Variants in NRXN1 observed in about 807,000 individuals in gnomAD.
The protein encoded by NRXN1 is neurexin 1.
A neutral mutation model predicts 150.9 loss-of-function variants in NRXN1; 39 were observed. The ratio of observed to expected loss-of-function variants is 0.26; its 90% CI spans 0.20 to 0.34. The LOEUF is 0.34. Ranked by LOEUF, NRXN1 falls within the 10% of genes least tolerant of loss-of-function variation. The pLI is 1.00. For synonymous variants in NRXN1, 924 were observed against 757.0 expected (o/e 1.22, Z -3.62); for missense variants, 1,815 against 1,949.9 (o/e 0.93, Z 1.30).
rs777080356 is a variant in NRXN1 at position 51,027,738 on chromosome 2, G to A, written c.536C>T (p.Pro179Leu). The part of the protein sequence containing the change: ...LTLASVRERE[P>L]FKGWIRDVRV... ...CACGTCACGAATCCACCCCTTGAAG[G>A]GCTCCCGCTCCCTCACCGAGGCCAG... The change falls in exon 2 of 23, where the codon CCC becomes CTC. Residue 179 changes from proline to leucine, a missense_variant. This residue lies in a region of NRXN1 where 554 missense variants were observed against 478.8 expected (regional missense o/e 1.16). Coordinates refer to ENST00000401669, the MANE Select transcript of NRXN1 (RefSeq NM_001330078.2). 18 of 1,611,456 alleles carry A rather than the reference G, an allele frequency of 1.1e-5. 1 individual carries two copies. The highest frequency in any genetic ancestry group is 1.7e-4 in the Middle Eastern group (1 of 6,052).
intron 5 of NRXN1, among the ~76,000 whole-genome samples, chr2:50,625,636 C>A (rs1446695959): frequency 6.6e-6 from 1 of 152,048 alleles, no homozygotes; most frequent in Admixed American, 6.6e-5. Context: ...GGCACAAGTA[C>A]AACTATATAT....
At position 50,551,586 on chromosome 2, in the gene NRXN1, G is replaced by C. The variant is rs117336813; in HGVS notation, c.1759+1001C>G. Among the ~76,000 whole-genome samples the C allele has an allele frequency of 2.5e-3, 380 of 152,194 alleles. 18 individuals carry two copies. The East Asian group carries it at 0.051, about 20-fold the overall frequency. On this transcript the variant is annotated intron_variant, in intron 9 of 22. Transcript: ENST00000401669. ...AGAAGCACTCAGCTTAGTTGGTTGG[G>C]GGTGGGTGAAGTAAAGAAGGAGAGT... is the stretch of plus-strand genomic sequence containing the variant.
intron 8 of NRXN1, chr2:50,615,235 C>CTT (rs1209677493): frequency 6.6e-6 from 1 of 152,080 alleles, no homozygotes; most frequent in African/African-American, 2.4e-5. Context: ...CTTCCTTAGG[C>CTT]TTAATCTGAG....
At chr2:50,691,287 T>C (rs1027472565) in intron 5 of NRXN1, among the ~76,000 whole-genome samples, 1 of 152,178 alleles carries the variant, frequency 6.6e-6, no homozygotes, top group African/African-American at 2.4e-5. Context: ...AGAACTGGGC[T>C]TGCATACTGT....
At chr2:50,654,630 G>C (rs1686142625) in intron 5 of NRXN1, among the ~76,000 whole-genome samples, 1 of 152,056 alleles carries the variant, frequency 6.6e-6, no homozygotes, top group African/African-American at 2.4e-5. Context: ...GGTTGAACTA[G>C]TTAACAGTCC....
intron 21 of NRXN1, among the ~76,000 whole-genome samples, chr2:50,052,042 C>A (rs893257735): frequency 6.6e-6 from 1 of 151,986 alleles, no homozygotes; most frequent in African/African-American, 2.4e-5. Flanking sequence ...CTATTCTGTT[C>A]CTCTCACCCT....
chr2:50,671,510 C>T (rs1008622000), intron 5 of NRXN1, among the ~76,000 whole-genome samples: 12 of 151,548 alleles, frequency 7.9e-5, no homozygotes, highest in African/African-American at 2.7e-4. Flanking sequence ...ATACATTACA[C>T]CAAATTTATT....
At position 49,962,303 on chromosome 2, in the gene NRXN1, C is replaced by T. The variant is rs547662173; in HGVS notation, c.4129-18512G>A. ...TTGAATGAATACTAATCTAATGCTT[C>T]AATTGACTGTTAAATGTTCTCTTAA... is the stretch of plus-strand genomic sequence containing the variant. On this transcript the variant is annotated intron_variant, in intron 21 of 22. Coordinates refer to ENST00000401669, the MANE Select transcript of NRXN1 (RefSeq NM_001330078.2). Among the ~76,000 whole-genome samples the T allele has an allele frequency of 4.6e-5, 7 of 152,274 alleles. No homozygotes were observed. The East Asian group carries it at 1.2e-3, about 25-fold the overall frequency.
chr2:50,695,841 A>ATTTTTTTT (rs5831150), intron 5 of NRXN1, among the ~76,000 whole-genome samples: 1 of 127,318 alleles, frequency 7.9e-6, no homozygotes, highest in African/African-American at 3.0e-5. Flanking sequence ...AGTGACTCTG[A>ATTTTTTTT]TTTTTTTTTT....
chr2:50,474,108 G>C (rs1259021204), intron 15 of NRXN1, among the ~76,000 whole-genome samples: 1 of 151,864 alleles, frequency 6.6e-6, no homozygotes, highest in Non-Finnish European at 1.5e-5. Flanking sequence ...AAGACAGCAT[G>C]GTTTTGGTCA....
intron 22 of NRXN1, among the ~76,000 whole-genome samples, chr2:49,942,617 A>ATTATTATT (rs1558549407): frequency 1.6e-4 from 24 of 149,752 alleles, no homozygotes; most frequent in Non-Finnish European, 2.7e-4. Context: ...TTATTATTTT[A>ATTATTATT]TTATTATTTT....
At chr2:50,277,448 T>TTC (rs1201126378) in intron 17 of NRXN1, among the ~76,000 whole-genome samples, 1 of 66,596 alleles carries the variant, frequency 1.5e-5, no homozygotes, top group African/African-American at 5.0e-5. Flanking sequence ...TCCTTCCCTC[T>TTC]CTCCCTCCCT....
chr2:50,915,128 C>A (rs1685037852), intron 5 of NRXN1, among the ~76,000 whole-genome samples: 1 of 151,522 alleles, frequency 6.6e-6, no homozygotes, highest in South Asian at 2.1e-4. Context: ...ACATTTTTAG[C>A]AAAATCTTGA....
At chr2:50,032,354 G>T (rs1413727165) in intron 21 of NRXN1, among the ~76,000 whole-genome samples, 1 of 151,906 alleles carries the variant, frequency 6.6e-6, no homozygotes, top group Non-Finnish European at 1.5e-5. Context: ...TTAATTAAGT[G>T]GCAGTATTCA....
intron 5 of NRXN1, among the ~76,000 whole-genome samples, chr2:50,859,834 ATGTTTGTGTG>A: frequency 1.1e-5 from 1 of 88,058 alleles, no homozygotes. Context: ...ACACACAATT[ATGTTTGTGTG>A]TGTGTGTGTG....
chr2:50,213,407 A>T (rs1405283523), intron 18 of NRXN1, among the ~76,000 whole-genome samples: 1 of 151,944 alleles, frequency 6.6e-6, no homozygotes, highest in Non-Finnish European at 1.5e-5. Flanking sequence ...AATTGGGATG[A>T]ATATATTGTT....
chr2:50,302,796 C>G (rs2074278846), intron 17 of NRXN1, among the ~76,000 whole-genome samples: 1 of 152,090 alleles, frequency 6.6e-6, no homozygotes, highest in Non-Finnish European at 1.5e-5. Flanking sequence ...TATCCCTACA[C>G]TATATTTTTA....
chr2:50,901,892 G>A (rs575039224), intron 5 of NRXN1, among the ~76,000 whole-genome samples: 72 of 152,224 alleles, frequency 4.7e-4, no homozygotes, highest in Non-Finnish European at 9.1e-4. Context: ...ATTTATCATT[G>A]CAACACGCAT....
At chr2:50,204,868 C>T (rs532122635) in intron 18 of NRXN1, among the ~76,000 whole-genome samples, 12 of 151,930 alleles carry the variant, frequency 7.9e-5, no homozygotes, top group Non-Finnish European at 1.6e-4. Flanking sequence ...AGTTTTAGTT[C>T]CAGTTATTAT....
Sources: allele counts gnomAD v4.1 joint callset (sites outside exome capture counted in the v4.1 genomes callset), GRCh38; gene constraint gnomAD v4.1.1; regional missense constraint gnomAD v4.1.1; transcripts MANE v1.5; gene names NCBI Gene and HGNC (gene_info 2026-07-23, HGNC 2026-07-21).